GAB2: variants seen among roughly 807,000 people sequenced by gnomAD.
The protein encoded by GAB2 is GRB2-associated-binding protein 2.
Under a neutral mutation model 65.5 loss-of-function variants are expected in GAB2, and 26 were observed. That is an observed-to-expected ratio of 0.40 (90% CI 0.29 to 0.55). The LOEUF is 0.55. GAB2 is among the 20% of genes least tolerant of loss of function. The probability of loss-of-function intolerance (pLI) is 0.53; values close to 1 mark genes in which losing one functional copy is unlikely to be tolerated. For missense variants in GAB2, 884 were observed against 875.8 expected, an observed-to-expected ratio of 1.01 and a Z score of -0.12; for synonymous variants, 321 against 329.6, an observed-to-expected ratio of 0.97 and a Z score of 0.28.
chr11:78,407,633 C>CAAAG (rs1166069461), intron 1 of GAB2, among the ~76,000 whole-genome samples: 61 of 93,404 alleles, frequency 6.5e-4, no homozygotes, highest in South Asian at 5.9e-3. Flanking sequence ...AACTCCTTCT[C>CAAAG]AAAGAAAGAA....
chr11:78,346,756 T>A (rs1254812881), intron 1 of GAB2, among the ~76,000 whole-genome samples: 4 of 139,886 alleles, frequency 2.9e-5, no homozygotes, highest in Admixed American at 7.4e-5. Context: ...AACAAAATAT[T>A]CCTGCTAGGT....
intron 1 of GAB2, among the ~76,000 whole-genome samples, chr11:78,355,090 G>A (rs1343091493): frequency 3.3e-5 from 5 of 152,230 alleles, no homozygotes; most frequent in Non-Finnish European, 7.3e-5. Context: ...CTTACTTAAA[G>A]ATCAGGAGTG....
At chr11:78,260,920 C>T (rs998763225) in intron 2 of GAB2, among the ~76,000 whole-genome samples, 1 of 152,164 alleles carries the variant, frequency 6.6e-6, no homozygotes, top group Non-Finnish European at 1.5e-5. Context: ...GCACAATGTT[C>T]TATGCCTAGA....
chr11:78,357,326 A>T (rs1856372934), intron 1 of GAB2, among the ~76,000 whole-genome samples: 1 of 152,138 alleles, frequency 6.6e-6, no homozygotes, highest in Admixed American at 6.5e-5. Context: ...AAGGAACCAT[A>T]AAAAAACTGA....
At chr11:78,238,222 AAAAAG>A (rs1290790920) in intron 3 of GAB2, among the ~76,000 whole-genome samples, 2 of 151,856 alleles carry the variant, frequency 1.3e-5, no homozygotes, top group African/African-American at 2.4e-5. Flanking sequence ...AAAAAAAAAA[AAAAAG>A]AAAATGTGGC....
At chr11:78,380,970 G>GT (rs1325441090) in intron 1 of GAB2, among the ~76,000 whole-genome samples, 4 of 152,190 alleles carry the variant, frequency 2.6e-5, no homozygotes, top group Non-Finnish European at 4.4e-5. Context: ...CTCTGCCTAT[G>GT]TAAGTGAAAC....
chr11:78,306,923 A>G (rs1855374589), intron 1 of GAB2, among the ~76,000 whole-genome samples: 1 of 152,252 alleles, frequency 6.6e-6, no homozygotes, highest in Non-Finnish European at 1.5e-5. Context: ...TATGTTTTAC[A>G]AAATGTGTTA....
chr11:78,309,783 TAG>T (rs1416942492), intron 1 of GAB2, among the ~76,000 whole-genome samples: 1 of 152,070 alleles, frequency 6.6e-6, no homozygotes, highest in Non-Finnish European at 1.5e-5. Context: ...TCTCAGGATA[TAG>T]AGAGTAACAT....
rs1554995527 is a variant in GAB2, at chr11:78,370,712, C to CGTGTGTGTATGT, written c.75+46933_75+46934insACATACACACAC. Among the ~76,000 whole-genome samples the CGTGTGTGTATGT allele has an allele frequency of 8.9e-3, 1,097 of 123,270 alleles. 13 individuals are homozygous for CGTGTGTGTATGT. The highest frequency in any genetic ancestry group is 0.03 in the African/African-American group (1,034 of 34,628). The allele number at this position is 123,270 out of a possible 152,430, so 80.9% of individuals were successfully genotyped here. ...ACTACTAATATTGTATGTGTGTGTG[C>CGTGTGTGTATGT]GTGTGTGTGTGTATGTGTGTGTGTG... is the stretch of plus-strand genomic sequence containing the variant. On this transcript the variant is annotated intron_variant, in intron 1 of 9. Coordinates refer to ENST00000361507, the MANE Select transcript of GAB2 (RefSeq NM_080491.3).
intron 1 of GAB2, among the ~76,000 whole-genome samples, chr11:78,407,473 A>G (rs1365001553): frequency 6.6e-6 from 1 of 151,952 alleles, no homozygotes; most frequent in Non-Finnish European, 1.5e-5. Flanking sequence ...TCTACCAAAA[A>G]TACAAAAAAA....
intron 1 of GAB2, among the ~76,000 whole-genome samples, chr11:78,317,058 T>A (rs564238950): frequency 6.6e-6 from 1 of 152,194 alleles, no homozygotes. Flanking sequence ...ATTCCACTTA[T>A]ATGACAAAGT....
At chr11:78,280,518 G>A in intron 2 of GAB2, 83 bp downstream of exon 2, 1 of 1,129,334 alleles carries the variant, frequency 8.9e-7, no homozygotes, top group South Asian at 1.4e-5. Flanking sequence ...GGAAACCTTA[G>A]CTAGAGCCTG....
At chr11:78,373,505 T>C (rs1856597532) in intron 1 of GAB2, among the ~76,000 whole-genome samples, 5 of 152,254 alleles carry the variant, frequency 3.3e-5, no homozygotes, top group Middle Eastern at 3.4e-3. Flanking sequence ...CCCAAAGTGC[T>C]GGGATTACAG....
chr11:78,305,858 A>G lies in GAB2; in HGVS notation c.76-24957T>C, dbSNP rs114257965. Among the ~76,000 whole-genome samples, 980 of 152,324 alleles carry G rather than the reference A, an allele frequency of 6.4e-3. 11 individuals are homozygous for G. Among genetic ancestry groups the G allele is most frequent in the African/African-American group, 0.022 (921 of 41,566 alleles). The stretch of plus-strand genomic sequence containing the variant: ...GTTTGCAGATTCCAACTGAGGAGCT[A>G]TGGCTTCCTAGAGGAAAAGGCAAGC... On this transcript the variant is annotated intron_variant, in intron 1 of 9. Coordinates refer to ENST00000361507, the MANE Select transcript of GAB2 (RefSeq NM_080491.3).
intron 1 of GAB2, among the ~76,000 whole-genome samples, chr11:78,354,189 A>G (rs1466016487): frequency 2.6e-5 from 4 of 152,360 alleles, no homozygotes; most frequent in African/African-American, 9.6e-5. Flanking sequence ...GGAAGTGTCT[A>G]CTGTGTTCCA....
chr11:78,356,890 T>C (rs568322405), intron 1 of GAB2, among the ~76,000 whole-genome samples: 1 of 152,328 alleles, frequency 6.6e-6, no homozygotes, highest in East Asian at 1.9e-4. Context: ...TGAAATAAGC[T>C]GGTCACAAAA....
rs563094149 is a variant in GAB2 at position 78,308,380 on chromosome 11, G to A, written c.76-27479C>T. On this transcript the variant is annotated intron_variant, in intron 1 of 9. Transcript: ENST00000361507. ...AGATCCCTACTCAAAGAAAGACAGG[G>A]CATCTTTGATGTGATTATGGGAAAG... Among the ~76,000 whole-genome samples, 8 of 152,206 alleles carry A rather than the reference G, an allele frequency of 5.3e-5. No individual in the cohort carries two copies. The South Asian group carries it at 1.7e-3, about 32-fold the overall frequency.
intron 1 of GAB2, among the ~76,000 whole-genome samples, chr11:78,290,109 A>T (rs926346403): frequency 2.0e-5 from 3 of 152,172 alleles, no homozygotes; most frequent in Non-Finnish European, 2.9e-5. Context: ...AACCAGAAAA[A>T]TAAAAAATAA....
chr11:78,396,762 T>C (rs1036403948), intron 1 of GAB2, among the ~76,000 whole-genome samples: 11 of 152,156 alleles, frequency 7.2e-5, no homozygotes, highest in African/African-American at 2.7e-4. Flanking sequence ...TGTGCCCGAC[T>C]AATCTTGTAT....
Sources: allele counts gnomAD v4.1 joint callset (sites outside exome capture counted in the v4.1 genomes callset), GRCh38; gene constraint gnomAD v4.1.1; transcripts MANE v1.5; gene names NCBI Gene and HGNC (gene_info 2026-07-23, HGNC 2026-07-21).